ZNF671: variants seen among roughly 807,000 people sequenced by gnomAD.
The protein encoded by ZNF671 is hypothetical protein FLJ23506.
A neutral mutation model predicts 16.6 loss-of-function variants in ZNF671; 19 were observed. The observed-to-expected ratio is 1.14, with a 90% CI of 0.80 to 1.68. The LOEUF (loss-of-function observed/expected upper bound fraction) is 1.68, where lower values mean the gene tolerates loss of function less well. Ranked by LOEUF, ZNF671 falls within the 40% of genes most tolerant of loss-of-function variation. ZNF671 has a pLI of 0.00. For missense variants in ZNF671, 637 were observed against 659.8 expected, an observed-to-expected ratio of 0.97 and a Z score of 0.38; for synonymous variants, 238 against 236.3, an observed-to-expected ratio of 1.01 and a Z score of -0.06.
chr19:57,723,458 C>T, intron 1 of ZNF671, 118 bp from the exon 2 acceptor site: 1 of 1,139,394 alleles, frequency 8.8e-7, no homozygotes, highest in South Asian at 1.6e-5. Flanking sequence ...AGATACCAGG[C>T]ACTAGTACCA....
In ZNF671 at chr19:57,720,356, G is replaced by GT. The variant is rs1486454633; in HGVS notation, c.*124dup. The GT allele has an allele frequency of 6.8e-6, 9 of 1,331,594 alleles. 1 individual carries two copies. Among genetic ancestry groups the GT allele is most frequent in the Non-Finnish European group, 9.2e-6 (9 of 978,062 alleles). The allele number at this position is 1,331,594 out of a possible 1,614,324, so 82.5% of individuals were successfully genotyped here. A position where few individuals can be genotyped will look rare whatever the true frequency, so the allele number is the denominator to read the frequency against. On this transcript the variant is annotated 3_prime_UTR_variant, in exon 4 of 4. Coordinates refer to ENST00000317398, the MANE Select transcript of ZNF671 (RefSeq NM_024833.3). ...TCCGGTGTGAAATTCCCAATGGCGG[G>GT]TAAGGTTCAGCCTCCAGGGGAAGGC...
At chr19:57,723,096 A>G in intron 2 of ZNF671, 118 bp downstream of exon 2, 2 of 1,379,962 alleles carry the variant, frequency 1.4e-6, no homozygotes, top group Non-Finnish European at 2.0e-6. Context: ...GACACTCCAT[A>G]CAGCTTAGCC....
Position 57,721,026 on chromosome 19 carries a change from A to G in ZNF671, c.1060T>C (p.Ser354Pro). The G allele has an allele frequency of 6.2e-7, 1 of 1,613,968 alleles. No individual in the cohort carries two copies. Among genetic ancestry groups the G allele is most frequent in the African/African-American group, 1.3e-5 (1 of 74,958 alleles). Residue 354 changes from serine to proline, a missense_variant, in exon 4 of 4, where the codon TCC becomes CCC. By Grantham distance (74) the Ser-to-Pro change is moderately conservative. Transcript: ENST00000317398. The part of the protein sequence containing the change: ...SECGKFFRQI[S>P]GLIEHRRVHT... ...ACTCGCCTGTGCTCAATCAGGCCGG[A>G]GATTTGTCTAAAGAATTTCCCACAT...
Position 57,721,199 on chromosome 19 carries a change from C to G in ZNF671, c.887G>C (p.Arg296Pro). 6.2e-7 allele frequency: 1 copy of G among 1,609,860 alleles called. No individual in the cohort carries two copies. Among genetic ancestry groups the G allele is most frequent in the Non-Finnish European group, 8.5e-7 (1 of 1,177,132 alleles). Residue 296 changes from arginine (R) to proline (P), a missense_variant, in exon 4 of 4, where the codon CGC becomes CCC. Coordinates refer to ENST00000317398, the MANE Select transcript of ZNF671 (RefSeq NM_024833.3). ...RCGECGKAFTRKDTLARHQRI... is the reference protein window; with the variant it reads ...RCGECGKAFTPKDTLARHQRI... ...CTGATGCCGAGCAAGTGTGTCTTTG[C>G]GGGTGAAGGCTTTCCCACATTCACC...
chr19:57,720,943 C>T lies in ZNF671; in HGVS notation c.1143G>A (p.Lys381=), dbSNP rs1477232351. Residue 381 remains lysine, a synonymous_variant, in exon 4 of 4, where the codon AAG becomes AAA. Coordinates refer to ENST00000317398, the MANE Select transcript of ZNF671 (RefSeq NM_024833.3). ...CGKCGKFFSS[K]SNLIRHQEVH... is the part of the protein sequence containing the mutation. Reference sequence around the variant, plus strand: ...CTTCCTGGTGTCGAATGAGATTAGACTTACTGCTAAAAAATTTCCCACATT... The same window carrying T: ...CTTCCTGGTGTCGAATGAGATTAGATTTACTGCTAAAAAATTTCCCACATT... The T allele has an allele frequency of 1.2e-6, 2 of 1,614,092 alleles. No homozygotes were observed. The highest frequency in any genetic ancestry group is 1.1e-5 in the South Asian group (1 of 91,076).
At chr19:57,727,334 T>G in intron 1 of ZNF671, 57 bp downstream of exon 1, 1 of 1,540,374 alleles carries the variant, frequency 6.5e-7, no homozygotes, top group Non-Finnish European at 8.8e-7. Flanking sequence ...CTGCAGGCAC[T>G]TTACGATTCG....
At chr19:57,725,302 A>C (rs1258147941) in intron 1 of ZNF671, among the ~76,000 whole-genome samples, 2 of 151,914 alleles carry the variant, frequency 1.3e-5, no homozygotes, top group East Asian at 3.9e-4. Flanking sequence ...CGTCTCTACC[A>C]AAAATACAAA....
chr19:57,720,661 T>A lies in ZNF671; in HGVS notation c.1425A>T (p.Gly475=). 6.2e-7 allele frequency: 1 copy of A among 1,614,228 alleles called. No individual in the cohort carries two copies. The highest frequency in any genetic ancestry group is 8.5e-7 in the Non-Finnish European group (1 of 1,180,046). Residue 475 remains glycine, a synonymous_variant, in exon 4 of 4, where the codon GGA becomes GGT. Transcript: ENST00000317398. ...KLIQHQKVHS[G]EKPYECSKCG... ...ACTTGCTGCACTCATAAGGCTTTTC[T>A]CCAGAGTGAACTTTCTGGTGCTGAA...
Position 57,720,598 on chromosome 19 carries a change from C to G in ZNF671, c.1488G>C (p.Arg496Ser). ...KAFTQRPNLI[R>S]HWKVHTGERP... ...TTTCCCCAGTGTGGACTTTCCAGTGCCTGATGAGGTTGGGTCTTTGAGTGA... is the reference window on the plus strand; with the variant it reads ...TTTCCCCAGTGTGGACTTTCCAGTGGCTGATGAGGTTGGGTCTTTGAGTGA... Residue 496 changes from arginine (R) to serine (S), a missense_variant, in exon 4 of 4, where the codon AGG becomes AGC. By Grantham distance (110) the Arg-to-Ser change is moderately radical. Transcript: ENST00000317398. 1 of 1,614,148 alleles carries G rather than the reference C, an allele frequency of 6.2e-7. No homozygotes were observed. Among genetic ancestry groups the G allele is most frequent in the Non-Finnish European group, 8.5e-7 (1 of 1,180,034 alleles).
intron 3 of ZNF671, 187 bp downstream of exon 3, chr19:57,722,129 G>T: frequency 1.1e-6 from 1 of 915,130 alleles, no homozygotes; most frequent in Non-Finnish European, 1.6e-6. Context: ...GTAAGGTGAA[G>T]GCCAGAGGTG....
chr19:57,722,749 G>A (rs1368185419), intron 2 of ZNF671, among the ~76,000 whole-genome samples: 1 of 152,120 alleles, frequency 6.6e-6, no homozygotes, highest in Non-Finnish European at 1.5e-5. Context: ...AGAAAAATTA[G>A]CTGGGCGTGG....
In ZNF671 at chr19:57,727,440, G is replaced by T; in HGVS notation, c.89C>A (p.Ala30Glu). The T allele has an allele frequency of 6.2e-7, 1 of 1,613,152 alleles. No individual in the cohort carries two copies. The highest frequency in any genetic ancestry group is 8.5e-7 in the Non-Finnish European group (1 of 1,179,684). Residue 30 changes from alanine to glutamate, a missense_variant, in exon 1 of 4, where the codon GCA (alanine) becomes GAA (glutamate). Transcript: ENST00000317398. ...CATAGGACCGTGGGCGCGGACAGCTGCCGGGAGCGGCAGGCGTCTCGATCG... is the reference window on the plus strand; with the variant it reads ...CATAGGACCGTGGGCGCGGACAGCTTCCGGGAGCGGCAGGCGTCTCGATCG... ...RPRSRRLPLP[A>E]AVRAHGPMAE...
At chr19:57,722,510 T>G in intron 2 of ZNF671, 72 bp from the exon 3 acceptor site, 1 of 1,586,574 alleles carries the variant, frequency 6.3e-7, no homozygotes, top group South Asian at 1.1e-5. Flanking sequence ...GGACTTCAGG[T>G]AAGAAAAATA....
chr19:57,725,020 G>A (rs142550724), intron 1 of ZNF671, among the ~76,000 whole-genome samples: 2 of 152,148 alleles, frequency 1.3e-5, no homozygotes, highest in Admixed American at 6.6e-5. Context: ...TACATCCTAA[G>A]TTCCAGAGAG....
chr19:57,723,399 T>C (rs1985941935), intron 1 of ZNF671, 59 bp from the exon 2 acceptor site: 2 of 1,543,688 alleles, frequency 1.3e-6, no homozygotes, highest in African/African-American at 1.4e-5. Context: ...ATCCCCAGTC[T>C]ACCTACCCAC....
At chr19:57,725,410 G>T (rs1311432794) in intron 1 of ZNF671, among the ~76,000 whole-genome samples, 10 of 152,062 alleles carry the variant, frequency 6.6e-5, no homozygotes, top group Non-Finnish European at 1.2e-4. Flanking sequence ...GTTGCGGTGA[G>T]CCGAGATTGT....
At position 57,720,491 on chromosome 19, in the gene ZNF671, T is replaced by C. The variant is rs748357755; in HGVS notation, c.1595A>G (p.Glu532Gly). ...LVLHQRVHAG[E>G]KL ...ACATTTGCTACACTCTTAAAGCTTT[T>C]CTCCAGCATGAACCCTCTGGTGCAG... is the stretch of plus-strand genomic sequence containing the variant. Residue 532 changes from glutamate to glycine, a missense_variant, in exon 4 of 4, where the codon GAA becomes GGA. By Grantham distance (98) the Glu-to-Gly change is moderately conservative (BLOSUM62 -2). Transcript: ENST00000317398. 2.7e-5 allele frequency: 44 copies of C among 1,612,114 alleles called. No individual in the cohort carries two copies. Among genetic ancestry groups the C allele is most frequent in the Non-Finnish European group, 3.2e-5 (38 of 1,178,444 alleles).
chr19:57,720,359 A>T lies in ZNF671; in HGVS notation c.*122T>A, dbSNP rs1042132304. ...GGTGTGAAATTCCCAATGGCGGGTA[A>T]GGTTCAGCCTCCAGGGGAAGGCTTT... On this transcript the variant is annotated 3_prime_UTR_variant, in exon 4 of 4. Coordinates refer to ENST00000317398, the MANE Select transcript of ZNF671 (RefSeq NM_024833.3). 154 of 1,343,214 alleles carry T rather than the reference A, an allele frequency of 1.1e-4. No homozygotes were observed. Among genetic ancestry groups the T allele is most frequent in the Non-Finnish European group, 1.4e-4 (141 of 988,678 alleles). The allele number at this position is 1,343,214 out of a possible 1,614,324, so 83.2% of individuals were successfully genotyped here.
intron 2 of ZNF671, among the ~76,000 whole-genome samples, chr19:57,722,935 C>T (rs1207844213): frequency 6.6e-6 from 1 of 151,980 alleles, no homozygotes; most frequent in Non-Finnish European, 1.5e-5. Context: ...GAGAAAGGGA[C>T]AGAACCTTGG....
Sources: gnomAD v4.1 joint callset for allele counts (sites outside exome capture counted in the v4.1 genomes callset) on GRCh38, gnomAD v4.1.1 for gene constraint, MANE v1.5 for transcripts, NCBI Gene and HGNC (gene_info 2026-07-23, HGNC 2026-07-21) for gene names.